Variants in ABCB10 observed in about 807,000 individuals in gnomAD.
ABCB10 encodes the protein ATP binding cassette subfamily B member 10.
Under a neutral mutation model 65.4 loss-of-function variants are expected in ABCB10, and 54 were observed. That is an observed-to-expected ratio of 0.83 (90% CI 0.66 to 1.04). The LOEUF (loss-of-function observed/expected upper bound fraction) is 1.04. ABCB10 is among the 50% of genes least tolerant of loss of function. The pLI is 0.00. For synonymous variants in ABCB10, 418 were observed against 406.5 expected, an observed-to-expected ratio of 1.03 and a Z score of -0.34; for missense variants, 846 against 976.6, an observed-to-expected ratio of 0.87 and a Z score of 1.78.
chr1:229,540,850 TA>T, intron 4 of ABCB10, 98 bp from the exon 5 acceptor site: 1 of 1,371,212 alleles, frequency 7.3e-7, no homozygotes, highest in African/African-American at 1.5e-5. Context: ...TGTTATTCAT[TA>T]GAAAGAAAAG....
At chr1:229,547,366 G>T (rs1662994264) in intron 3 of ABCB10, 133 bp downstream of exon 3, 1 of 967,294 alleles carries the variant, frequency 1.0e-6, no homozygotes, top group Non-Finnish European at 1.5e-6. Context: ...AGCAGCTTCT[G>T]CAACAGCACT....
At chr1:229,523,565 G>A (rs868570634) in intron 10 of ABCB10, among the ~76,000 whole-genome samples, 2 of 152,280 alleles carry the variant, frequency 1.3e-5, no homozygotes, top group Middle Eastern at 3.4e-3. Flanking sequence ...TGGTGAGGCT[G>A]TCTGAGTGCC....
intron 8 of ABCB10, among the ~76,000 whole-genome samples, chr1:229,529,693 A>G (rs1297111914): frequency 6.6e-6 from 1 of 150,904 alleles, no homozygotes; most frequent in African/African-American, 2.4e-5. Context: ...AAAAAAAAAA[A>G]GAAGTGAATC....
intron 5 of ABCB10, 105 bp downstream of exon 5, chr1:229,540,500 AT>A (rs1265540567): frequency 2.2e-5 from 27 of 1,221,356 alleles, no homozygotes; most frequent in Non-Finnish European, 2.7e-5. Flanking sequence ...TAAGACTAAA[AT>A]TTTAAAAATT....
chr1:229,542,001 C>A (rs573088990), intron 4 of ABCB10, among the ~76,000 whole-genome samples: 19 of 148,938 alleles, frequency 1.3e-4, no homozygotes, highest in South Asian at 1.1e-3. Flanking sequence ...GTGATAGTAA[C>A]AAGTGAGGAC....
chr1:229,539,305 C>T, intron 6 of ABCB10, 151 bp downstream of exon 6: 1 of 1,231,546 alleles, frequency 8.1e-7, no homozygotes, highest in Non-Finnish European at 1.2e-6. Flanking sequence ...ACTCATTTTA[C>T]TTCTTTAAAA....
In ABCB10 at chr1:229,549,331, G is replaced by A. The variant is rs1409819474; in HGVS notation, c.621C>T (p.Tyr207=). 1 of 1,614,134 alleles carries A rather than the reference G, an allele frequency of 6.2e-7. No individual in the cohort carries two copies. The highest frequency in any genetic ancestry group is 8.5e-7 in the Non-Finnish European group (1 of 1,180,020). Residue 207 remains tyrosine, a synonymous_variant, in exon 2 of 13, where the codon TAC becomes TAT. Transcript: ENST00000344517. ...GGCAGAGGCGGGTCAGGTTGTCGCT[G>A]TAGTCCACAGTGGGGTTGGTATAGA... The part of the protein sequence containing the change: ...DVIYTNPTVD[Y]SDNLTRLCLG...
At chr1:229,551,109 A>G (rs1485856814) in intron 1 of ABCB10, among the ~76,000 whole-genome samples, 1 of 152,174 alleles carries the variant, frequency 6.6e-6, no homozygotes, top group Admixed American at 6.5e-5. Flanking sequence ...ACCTTAATAA[A>G]GAGTCCAGAG....
Position 229,548,826 on chromosome 1 carries a change from G to C in ABCB10, c.718+408C>G, listed in dbSNP as rs12731654. Among the ~76,000 whole-genome samples, 495 of 151,844 alleles carry C rather than the reference G, an allele frequency of 3.3e-3. 3 individuals carry two copies. The highest frequency in any genetic ancestry group is 5.7e-3 in the Non-Finnish European group (384 of 67,924). On this transcript the variant is annotated intron_variant, in intron 2 of 12. Transcript: ENST00000344517. ...TACAGGCACACACCACCACGCCCGG[G>C]TAATTTTTGTATTTCTAGTAGAGAC...
At chr1:229,534,061 T>C (rs1366461075) in intron 6 of ABCB10, among the ~76,000 whole-genome samples, 1 of 152,084 alleles carries the variant, frequency 6.6e-6, no homozygotes, top group Non-Finnish European at 1.5e-5. Context: ...TACGAAGAAC[T>C]CTTAAAACTC....
chr1:229,531,891 G>T, intron 6 of ABCB10, 160 bp from the exon 7 acceptor site: 2 of 396,654 alleles, frequency 5.0e-6, no homozygotes, highest in East Asian at 4.7e-5. Flanking sequence ...CTGATACTCA[G>T]AATTGCTTGT....
At chr1:229,530,696 A>G (rs1662563419) in intron 7 of ABCB10, among the ~76,000 whole-genome samples, 1 of 152,248 alleles carries the variant, frequency 6.6e-6, no homozygotes. Context: ...AGGACATTGA[A>G]GACCACAGAC....
In ABCB10 at chr1:229,519,126, G is replaced by A. The variant is rs186522111; in HGVS notation, c.1951-251C>T. 1,189 of 352,698 alleles carry A rather than the reference G, an allele frequency of 3.4e-3. 3 individuals are homozygous for A. Among genetic ancestry groups the A allele is most frequent in the South Asian group, 7.5e-3 (136 of 18,128 alleles). 21.8% of individuals were successfully genotyped at this position (352,698 alleles called of 1,614,324 possible). A position where few individuals can be genotyped will look rare whatever the true frequency, so the allele number is the denominator to read the frequency against. On this transcript the variant is annotated intron_variant, in intron 11 of 12. Coordinates refer to ENST00000344517, the MANE Select transcript of ABCB10 (RefSeq NM_012089.3). ...GGGTTCAATGCAGGAAATAAGGAAGGGGAGTTGCATGGCTGCTAAAGAGTA... is the reference window on the plus strand; with the variant it reads ...GGGTTCAATGCAGGAAATAAGGAAGAGGAGTTGCATGGCTGCTAAAGAGTA...
intron 4 of ABCB10, among the ~76,000 whole-genome samples, chr1:229,542,016 T>C (rs375289724): frequency 6.0e-5 from 9 of 150,190 alleles, no homozygotes; most frequent in East Asian, 5.9e-4. Flanking sequence ...GAGGACTCCA[T>C]AAAATGTTTA....
chr1:229,518,475 A>G, intron 12 of ABCB10, 65 bp from the exon 13 acceptor site: 1 of 1,330,378 alleles, frequency 7.5e-7, no homozygotes, highest in Non-Finnish European at 1.1e-6. Context: ...TTCCTGATAC[A>G]CACAGCAGCC....
intron 6 of ABCB10, among the ~76,000 whole-genome samples, chr1:229,533,666 T>C (rs1662638053): frequency 6.6e-6 from 1 of 152,140 alleles, no homozygotes; most frequent in Admixed American, 6.5e-5. Flanking sequence ...CGCAATACAA[T>C]GGAGATGCAA....
Position 229,549,285 on chromosome 1 carries a change from G to C in ABCB10, c.667C>G (p.Leu223Val), listed in dbSNP as rs1264483327. Reference sequence around the variant, plus strand: ...ATGGCATTGGCGGCAGCACCACACAGAAACACGGCACTGAGCCCTAGGCAG... The same window carrying C: ...ATGGCATTGGCGGCAGCACCACACACAAACACGGCACTGAGCCCTAGGCAG... ...RLCLGLSAVF[L>V]CGAAANAIRV... Residue 223 changes from leucine to valine, a missense_variant, in exon 2 of 13, where the codon CTG becomes GTG. Around this residue, in one of 2 missense-constraint regions of ABCB10, gnomAD observed 632 missense variants for 803.2 expected, o/e 0.79. Coordinates refer to ENST00000344517, the MANE Select transcript of ABCB10 (RefSeq NM_012089.3). 2.5e-6 allele frequency: 4 copies of C among 1,614,058 alleles called. No individual in the cohort carries two copies. Among genetic ancestry groups the C allele is most frequent in the Non-Finnish European group, 3.4e-6 (4 of 1,180,044 alleles).
chr1:229,521,459 C>A, intron 11 of ABCB10, 133 bp downstream of exon 11: 1 of 985,644 alleles, frequency 1.0e-6, no homozygotes, highest in Non-Finnish European at 1.5e-6. Context: ...AGAACTGTCA[C>A]CCTCCCACTC....
intron 1 of ABCB10, among the ~76,000 whole-genome samples, chr1:229,550,590 C>T (rs942429881): frequency 6.6e-4 from 97 of 147,206 alleles, no homozygotes; most frequent in Middle Eastern, 3.9e-3. Flanking sequence ...TGGTGGCTCA[C>T]GCCTGTAATC....
Sources: allele counts gnomAD v4.1 joint callset (sites outside exome capture counted in the v4.1 genomes callset), GRCh38; gene constraint gnomAD v4.1.1; regional missense constraint gnomAD v4.1.1; transcripts MANE v1.5; gene names NCBI Gene and HGNC (gene_info 2026-07-23, HGNC 2026-07-21).